Variants in OXR1 observed in about 807,000 individuals in gnomAD.
OXR1 encodes the protein oxidation resistance protein 1.
OXR1 carries 41 observed loss-of-function variants against 104.6 expected under a neutral mutation model. That is an observed-to-expected ratio of 0.39 (90% CI 0.31 to 0.51). The LOEUF (loss-of-function observed/expected upper bound fraction) is 0.51, where lower values mean the gene tolerates loss of function less well. OXR1 is among the 20% of genes least tolerant of loss of function. The pLI is 0.77. For missense variants in OXR1, 955 were observed against 1,031.9 expected, an observed-to-expected ratio of 0.93 and a Z score of 1.02; for synonymous variants, 348 against 348.4, an observed-to-expected ratio of 1.00 and a Z score of 0.01.
intron 3 of OXR1, among the ~76,000 whole-genome samples, chr8:106,577,537 C>A (rs559404080): frequency 7.3e-4 from 111 of 151,814 alleles, no homozygotes; most frequent in South Asian, 3.8e-3. Flanking sequence ...CTACAGGTGC[C>A]CGCCACCACG....
Position 106,446,494 on chromosome 8 carries a change from T to C in OXR1, c.24-72449T>C, listed in dbSNP as rs577305780. Among the ~76,000 whole-genome samples the C allele has an allele frequency of 2.6e-5, 4 of 152,028 alleles. No homozygotes were observed. In the East Asian group the frequency reaches 5.8e-4, roughly 22 times the overall value. On this transcript the variant is annotated intron_variant, in intron 2 of 16. Transcript: ENST00000517566. The stretch of plus-strand genomic sequence containing the variant: ...TTAGCCAGGCGTGGTGGTGTGTGCC[T>C]ATAATCCCAACTTCTCAGGAGGCTG...
At chr8:106,739,344 A>T in intron 12 of OXR1, 114 bp from the exon 13 acceptor site, 1 of 919,442 alleles carries the variant, frequency 1.1e-6, no homozygotes, top group Non-Finnish European at 1.7e-6. Context: ...TCTTAAGGTT[A>T]AAGATTTAGC....
chr8:106,728,143 T>C (rs181595143), intron 11 of OXR1, among the ~76,000 whole-genome samples: 1 of 151,422 alleles, frequency 6.6e-6, no homozygotes, highest in Non-Finnish European at 1.5e-5. Context: ...GGATTAGCAG[T>C]TCTTTTACCT....
intron 3 of OXR1, among the ~76,000 whole-genome samples, chr8:106,616,751 T>C (rs1181751763): frequency 7.2e-5 from 11 of 152,194 alleles, no homozygotes; most frequent in Non-Finnish European, 5.9e-5. Flanking sequence ...TTCTTCGTGA[T>C]CATTGTCACT....
chr8:106,615,322 C>T (rs1002204902), intron 3 of OXR1, among the ~76,000 whole-genome samples: 8 of 151,538 alleles, frequency 5.3e-5, no homozygotes, highest in Non-Finnish European at 5.9e-5. Flanking sequence ...GTCCCAGCTA[C>T]TCAGGAGGCT....
At chr8:106,483,558 C>A (rs912744301) in intron 2 of OXR1, among the ~76,000 whole-genome samples, 1 of 151,688 alleles carries the variant, frequency 6.6e-6, no homozygotes, top group African/African-American at 2.4e-5. Context: ...CCCATCTGCA[C>A]CAAGAAGTTT....
At chr8:106,643,615 C>T (rs1281443500) in intron 3 of OXR1, among the ~76,000 whole-genome samples, 2 of 152,050 alleles carry the variant, frequency 1.3e-5, no homozygotes, top group Non-Finnish European at 2.9e-5. Flanking sequence ...CCAGAAAACC[C>T]GCTGTGGGAC....
intron 1 of OXR1, among the ~76,000 whole-genome samples, chr8:106,339,798 A>G (rs1165634487): frequency 2.0e-5 from 3 of 151,872 alleles, no homozygotes; most frequent in Non-Finnish European, 2.9e-5. Context: ...AAAACTCTGA[A>G]GAAGGTACTA....
At chr8:106,737,322 G>T (rs1834471404) in intron 11 of OXR1, among the ~76,000 whole-genome samples, 198 bp from the exon 12 acceptor site, 1 of 151,480 alleles carries the variant, frequency 6.6e-6, no homozygotes, top group African/African-American at 2.4e-5. Context: ...GTTGGATGTA[G>T]TAGTGAAAAT....
intron 2 of OXR1, among the ~76,000 whole-genome samples, chr8:106,478,905 T>G (rs921896206): frequency 6.6e-6 from 1 of 151,928 alleles, no homozygotes. Flanking sequence ...GTATACTTTG[T>G]TATAAAGTAG....
chr8:106,437,609 C>A (rs980372131), intron 2 of OXR1, among the ~76,000 whole-genome samples: 2 of 152,076 alleles, frequency 1.3e-5, no homozygotes, highest in African/African-American at 4.8e-5. Context: ...CTATTAGGAA[C>A]CAAGAAACCA....
rs190441659 is a variant in OXR1 at position 106,442,461 on chromosome 8, G to A, written c.24-76482G>A. Among the ~76,000 whole-genome samples, 47 of 151,988 alleles carry A rather than the reference G, an allele frequency of 3.1e-4. No individual in the cohort carries two copies. The East Asian group carries it at 5.0e-3, about 16-fold the overall frequency. ...AGTTAGGGGAGAGTCCCTCCTTTTCGATTGTTTGGAATAGTTTCAGAAGGA... is the reference window on the plus strand; with the variant it reads ...AGTTAGGGGAGAGTCCCTCCTTTTCAATTGTTTGGAATAGTTTCAGAAGGA... On this transcript the variant is annotated intron_variant, in intron 2 of 16. Transcript: ENST00000517566.
chr8:106,283,187 G>A (rs958891650), intron 1 of OXR1, among the ~76,000 whole-genome samples: 10 of 152,280 alleles, frequency 6.6e-5, no homozygotes, highest in East Asian at 1.9e-4. Flanking sequence ...GAGTTAGCAC[G>A]TTTCTGAGCA....
At chr8:106,410,413 A>G (rs1180624193) in intron 2 of OXR1, among the ~76,000 whole-genome samples, 2 of 152,146 alleles carry the variant, frequency 1.3e-5, no homozygotes, top group Non-Finnish European at 2.9e-5. Flanking sequence ...GACGTTGGCT[A>G]TTAGTAACTC....
At chr8:106,578,828 A>G (rs1398946374) in intron 3 of OXR1, among the ~76,000 whole-genome samples, 1 of 152,168 alleles carries the variant, frequency 6.6e-6, no homozygotes, top group Non-Finnish European at 1.5e-5. Context: ...TCATCAGCTC[A>G]GTGGTATTTA....
At position 106,398,562 on chromosome 8, in the gene OXR1, CTAAT is replaced by C. The variant is rs553272164; in HGVS notation, c.23+38929_23+38932del. 2.3e-3 allele frequency among the ~76,000 whole-genome samples: 349 copies of C among 152,264 alleles called. 2 individuals are homozygous for C. The highest frequency in any genetic ancestry group is 8.2e-3 in the African/African-American group (341 of 41,562). On this transcript the variant is annotated intron_variant, in intron 2 of 16. Transcript: ENST00000517566. ...TTTTGAATACTGAATAGGTATAAAA[CTAAT>C]TAGCCTCTTTTCCTTCTGGTGTGTG...
chr8:106,356,956 T>G (rs898396914), intron 1 of OXR1, among the ~76,000 whole-genome samples: 2 of 152,124 alleles, frequency 1.3e-5, no homozygotes, highest in Non-Finnish European at 2.9e-5. Flanking sequence ...AACATTTGTG[T>G]GTTGGCAACT....
intron 1 of OXR1, among the ~76,000 whole-genome samples, chr8:106,347,449 A>G (rs1033447952): frequency 6.6e-6 from 1 of 152,356 alleles, no homozygotes; most frequent in Middle Eastern, 3.4e-3. Context: ...CAAACAGTAG[A>G]TGCAGATGCC....
intron 3 of OXR1, among the ~76,000 whole-genome samples, chr8:106,544,468 T>G (rs1326734781): frequency 6.6e-6 from 1 of 152,210 alleles, no homozygotes; most frequent in Non-Finnish European, 1.5e-5. Context: ...CATGGAAATG[T>G]TCTTTACAGT....
Sources: allele counts gnomAD v4.1 joint callset (sites outside exome capture counted in the v4.1 genomes callset), GRCh38; gene constraint gnomAD v4.1.1; transcripts MANE v1.5; gene names NCBI Gene and HGNC (gene_info 2026-07-23, HGNC 2026-07-21).